The following CDC42BPB variants were observed in gnomAD, a reference collection of about 807,000 sequenced individuals.
The protein encoded by CDC42BPB is CDC42 binding protein kinase beta.
Under a neutral mutation model 214.9 loss-of-function variants are expected in CDC42BPB, and 37 were observed. That is an observed-to-expected ratio of 0.17 (90% CI 0.13 to 0.23). The LOEUF (loss-of-function observed/expected upper bound fraction) is 0.23, where lower values mean the gene tolerates loss of function less well. CDC42BPB is among the 10% of genes least tolerant of loss of function. CDC42BPB has a pLI of 1.00. For missense variants in CDC42BPB, 1,694 were observed against 2,227.0 expected (o/e 0.76, Z 4.82); for synonymous variants, 931 against 884.0 (o/e 1.05, Z -0.94).
intron 3 of CDC42BPB, 35 bp downstream of exon 3, chr14:103,008,437 C>A (rs1276719547): frequency 7.4e-7 from 1 of 1,346,996 alleles, no homozygotes; most frequent in African/African-American, 1.4e-5. Flanking sequence ...TCACCCCAAG[C>A]CCCATTTGTA....
At chr14:103,055,888 C>T (rs1308514559) in intron 1 of CDC42BPB, among the ~76,000 whole-genome samples, 1 of 152,222 alleles carries the variant, frequency 6.6e-6, no homozygotes, top group East Asian at 1.9e-4. Flanking sequence ...CTGGTTCGAA[C>T]TGAACAGTCC....
intron 1 of CDC42BPB, among the ~76,000 whole-genome samples, chr14:103,037,089 TCA>T (rs1491466134): frequency 0.019 from 2,887 of 150,614 alleles, 32 homozygotes; most frequent in Middle Eastern, 0.024. Context: ...TCTGGCCATC[TCA>T]GACTTTTAGA....
Position 102,976,057 on chromosome 14 carries a change from A to G in CDC42BPB, c.1221-8T>C. 6.2e-7 allele frequency: 1 copy of G among 1,605,382 alleles called. No individual in the cohort carries two copies. The highest frequency in any genetic ancestry group is 8.5e-7 in the Non-Finnish European group (1 of 1,173,278). ...CCTCGATCAGAAAAACAGCTGGGAA[A>G]CCAAGCAACAGGTTTTTTTGATCTA... On this transcript the variant is annotated splice_polypyrimidine_tract_variant and splice_region_variant and intron_variant, in intron 9 of 36. Coordinates refer to ENST00000361246, the MANE Select transcript of CDC42BPB (RefSeq NM_006035.4).
At chr14:103,026,836 C>G (rs1454982678) in intron 1 of CDC42BPB, among the ~76,000 whole-genome samples, 1 of 151,594 alleles carries the variant, frequency 6.6e-6, no homozygotes, top group African/African-American at 2.4e-5. Context: ...CCACTGCACT[C>G]CAGCCTGGGC....
intron 2 of CDC42BPB, among the ~76,000 whole-genome samples, chr14:103,009,197 G>T (rs1407039653): frequency 6.6e-6 from 1 of 152,142 alleles, no homozygotes; most frequent in South Asian, 2.1e-4. Flanking sequence ...GCATGTCCCC[G>T]TGCCTGCAGC....
intron 30 of CDC42BPB, chr14:102,940,531 G>T: frequency 1.5e-6 from 2 of 1,335,018 alleles, no homozygotes; most frequent in Non-Finnish European, 2.0e-6. Context: ...ATGTTTAAAT[G>T]CTCCACAATC....
intron 14 of CDC42BPB, chr14:102,969,005 G>A (rs1020032047): frequency 1.8e-6 from 1 of 570,176 alleles, no homozygotes. Context: ...GGCTGACTCT[G>A]TGCTGGGCCC....
At chr14:103,053,314 T>C (rs1187150600) in intron 1 of CDC42BPB, among the ~76,000 whole-genome samples, 1 of 151,738 alleles carries the variant, frequency 6.6e-6, no homozygotes, top group Non-Finnish European at 1.5e-5. Context: ...ACCACTGCAC[T>C]TCAGCCTGGG....
Position 102,968,332 on chromosome 14 carries a change from C to T in CDC42BPB, c.2267G>A (p.Gly756Asp), listed in dbSNP as rs1440234999. 4 of 1,614,034 alleles carry T rather than the reference C, an allele frequency of 2.5e-6. No individual in the cohort carries two copies. Among genetic ancestry groups the T allele is most frequent in the Non-Finnish European group, 3.4e-6 (4 of 1,179,980 alleles). Residue 756 changes from glycine (G) to aspartate (D), a missense_variant, in exon 16 of 37, where the codon GGT (glycine) becomes GAT (aspartate). Gly to Asp is a moderately conservative substitution (Grantham distance 94). This residue lies in a region of CDC42BPB where 462 missense variants were observed against 513.5 expected (regional missense o/e 0.90). Coordinates refer to ENST00000361246, the MANE Select transcript of CDC42BPB (RefSeq NM_006035.4). ...ERHNEMEEAV[G>D]TIKDKYERER... ...TCGTTCGTATTTATCTTTTATTGTA[C>T]CTACTGCCTCCTCCATCTCGTTATG...
chr14:103,041,973 C>T lies in CDC42BPB; in HGVS notation c.175+15026G>A, dbSNP rs147427521. 172 of 336,072 alleles carry T rather than the reference C, an allele frequency of 5.1e-4. 2 individuals are homozygous for T. In the East Asian group the frequency reaches 0.01, roughly 20 times the overall value. 20.8% of individuals were successfully genotyped at this position (336,072 alleles called of 1,614,324 possible). A position where few individuals can be genotyped will look rare whatever the true frequency, so the allele number is the denominator to read the frequency against. ...AGAAGGAGAAAGCCCAAGTCATCAC[C>T]GAGGAGAAGAATTTCAAAGCCTTCG... On this transcript the variant is annotated intron_variant, in intron 1 of 36. Transcript: ENST00000361246.
intron 1 of CDC42BPB, among the ~76,000 whole-genome samples, chr14:103,017,885 T>G (rs1406608058): frequency 6.6e-6 from 1 of 152,262 alleles, no homozygotes; most frequent in Non-Finnish European, 1.5e-5. Flanking sequence ...CATTCCTGAT[T>G]GTGTTGGTTA....
intron 1 of CDC42BPB, 61 bp downstream of exon 1, chr14:103,056,938 G>T: frequency 8.3e-7 from 1 of 1,204,520 alleles, no homozygotes; most frequent in South Asian, 1.9e-5. Flanking sequence ...GCGTGGGGAT[G>T]CGCGGGCTGG....
intron 18 of CDC42BPB, among the ~76,000 whole-genome samples, chr14:102,965,643 T>C (rs528238540): frequency 6.6e-6 from 1 of 152,128 alleles, no homozygotes; most frequent in Non-Finnish European, 1.5e-5. Flanking sequence ...TTTCCATCTA[T>C]AACAGTAAAG....
chr14:102,947,179 A>T (rs1892220532), intron 27 of CDC42BPB, among the ~76,000 whole-genome samples: 2 of 152,208 alleles, frequency 1.3e-5, no homozygotes, highest in Non-Finnish European at 2.9e-5. Context: ...AGTAAAAGCT[A>T]ATTTATAGAC....
rs912010717 is a variant in CDC42BPB at position 102,943,298 on chromosome 14, G to C, written c.4408+593C>G. Among the ~76,000 whole-genome samples the C allele has an allele frequency of 6.6e-6, 1 of 152,152 alleles. No homozygotes were observed. Among genetic ancestry groups the C allele is most frequent in the African/African-American group, 2.4e-5 (1 of 41,432 alleles). On this transcript the variant is annotated intron_variant, in intron 30 of 36. Transcript: ENST00000361246. This position sits in a 1 kb window ranked among gnomAD's most constrained non-coding sequence, Gnocchi z 4.6. ...CCGGTTTAAGGTTTTAAAAGCAATC[G>C]GACAGCGGGCCAGTCGGGAAGTGTC...
chr14:102,942,111 G>A (rs1891917558), intron 30 of CDC42BPB, among the ~76,000 whole-genome samples: 5 of 152,206 alleles, frequency 3.3e-5, no homozygotes, highest in Admixed American at 3.3e-4. Context: ...ACCCTGTGCT[G>A]GCTGCCTATG....
At chr14:102,968,105 A>C (rs545040314) in intron 16 of CDC42BPB, 148 bp downstream of exon 16, 67 of 623,028 alleles carry the variant, frequency 1.1e-4, no homozygotes, top group South Asian at 3.4e-4. Flanking sequence ...AAAAAAAAAA[A>C]ACCAAACTTC....
intron 1 of CDC42BPB, among the ~76,000 whole-genome samples, chr14:103,019,780 T>C (rs902946199): frequency 6.6e-6 from 1 of 152,172 alleles, no homozygotes; most frequent in Non-Finnish European, 1.5e-5. Flanking sequence ...CCCCGAACTG[T>C]CCCCTAAAGA....
intron 16 of CDC42BPB, among the ~76,000 whole-genome samples, chr14:102,968,018 C>T (rs1204558613): frequency 6.6e-6 from 1 of 151,630 alleles, no homozygotes; most frequent in African/African-American, 2.4e-5. Context: ...TGGCATGAAC[C>T]TGGGAGGCAG....
Sources: gnomAD v4.1 joint callset for allele counts (sites outside exome capture counted in the v4.1 genomes callset) on GRCh38, gnomAD v4.1.1 for gene constraint, gnomAD v4.1.1 regional missense constraint, Gnocchi (gnomAD v3.1) non-coding constraint, MANE v1.5 for transcripts, NCBI Gene and HGNC (gene_info 2026-07-23, HGNC 2026-07-21) for gene names.